The following PCDH15 variants were observed in gnomAD, a reference collection of about 807,000 sequenced individuals.
The protein encoded by PCDH15 is protocadherin related 15.
A neutral mutation model predicts 178.5 loss-of-function variants in PCDH15; 129 were observed. The observed-to-expected ratio is 0.72, with a 90% CI of 0.63 to 0.84. PCDH15 has a LOEUF of 0.84. Ranked by LOEUF, PCDH15 falls within the 40% of genes least tolerant of loss-of-function variation. The pLI, the probability that PCDH15 is intolerant of heterozygous loss-of-function variation, is 0.00. For synonymous variants in PCDH15, 800 were observed against 732.0 expected (o/e 1.09, Z -1.50); for missense variants, 2,230 against 2,099.9 (o/e 1.06, Z -1.21).
intron 8 of PCDH15, among the ~76,000 whole-genome samples, chr10:54,245,337 A>C (rs970973042): frequency 6.6e-6 from 1 of 152,154 alleles, no homozygotes; most frequent in African/African-American, 2.4e-5. Flanking sequence ...ATTTCTACCG[A>C]GTATATGTGT....
chr10:54,061,807 TA>T (rs1324832645), intron 18 of PCDH15, among the ~76,000 whole-genome samples: 3 of 94,456 alleles, frequency 3.2e-5, no homozygotes, highest in Middle Eastern at 7.4e-3. Context: ...AGATAAACAT[TA>T]AAAATTGTTG....
intron 33 of PCDH15, among the ~76,000 whole-genome samples, chr10:53,818,697 A>ATGTT (rs1293816704): frequency 6.6e-6 from 1 of 152,108 alleles, no homozygotes; most frequent in Non-Finnish European, 1.5e-5. Context: ...TCAAAGTTGA[A>ATGTT]TGTTACTAAT....
intron 2 of PCDH15, among the ~76,000 whole-genome samples, chr10:55,063,831 A>T (rs892447710): frequency 1.3e-5 from 2 of 152,172 alleles, no homozygotes; most frequent in African/African-American, 4.8e-5. Flanking sequence ...AAAAAGATTC[A>T]TGCTTCTGGG....
At chr10:53,986,872 TG>T (rs1296954788) in intron 21 of PCDH15, among the ~76,000 whole-genome samples, 4 of 152,198 alleles carry the variant, frequency 2.6e-5, no homozygotes. Flanking sequence ...GTGCTATTTT[TG>T]TTCTCATTTT....
At chr10:55,289,970 T>G (rs926260876) in intron 1 of PCDH15, among the ~76,000 whole-genome samples, 2 of 150,272 alleles carry the variant, frequency 1.3e-5, no homozygotes, top group Admixed American at 6.6e-5. Flanking sequence ...GCAGTTCTTC[T>G]GCTCTTCTGT....
intron 1 of PCDH15, among the ~76,000 whole-genome samples, chr10:54,740,851 G>A (rs1944702039): frequency 1.3e-5 from 2 of 152,034 alleles, no homozygotes; most frequent in South Asian, 4.1e-4. Flanking sequence ...TATAACAGTG[G>A]TTATCAGGGG....
chr10:55,390,355 G>A (rs1394617287), intron 2 of PCDH15, among the ~76,000 whole-genome samples: 1 of 152,144 alleles, frequency 6.6e-6, no homozygotes, highest in Non-Finnish European at 1.5e-5. Flanking sequence ...GCTGCTGAAC[G>A]CTGGGGTGGC....
chr10:54,224,343 A>G (rs2053201070), intron 9 of PCDH15, among the ~76,000 whole-genome samples: 1 of 152,194 alleles, frequency 6.6e-6, no homozygotes, highest in South Asian at 2.1e-4. Flanking sequence ...ACCCTGCAGA[A>G]GCCAAGGTAT....
chr10:54,266,304 G>A (rs895512064), intron 8 of PCDH15, among the ~76,000 whole-genome samples: 22 of 151,682 alleles, frequency 1.5e-4, no homozygotes, highest in South Asian at 2.1e-4. Context: ...GGGATGCAAC[G>A]ATAGCAGTTT....
intron 29 of PCDH15, among the ~76,000 whole-genome samples, chr10:53,837,415 GTTA>G (rs1467001279): frequency 1.3e-5 from 2 of 151,974 alleles, no homozygotes; most frequent in African/African-American, 4.8e-5. Context: ...AACAAAATAA[GTTA>G]TTAACATATC....
At chr10:54,117,133 C>T (rs1485329242) in intron 15 of PCDH15, among the ~76,000 whole-genome samples, 2 of 152,070 alleles carry the variant, frequency 1.3e-5, no homozygotes, top group African/African-American at 4.8e-5. Context: ...GTGCTACTGG[C>T]CCAGATCCCA....
At chr10:54,868,112 A>T (rs1300168755) in intron 3 of PCDH15, among the ~76,000 whole-genome samples, 1 of 152,208 alleles carries the variant, frequency 6.6e-6, no homozygotes, top group Non-Finnish European at 1.5e-5. Flanking sequence ...TTATATCTTA[A>T]TAAAGCTGAG....
chr10:55,217,296 A>T (rs1390385327), intron 1 of PCDH15, among the ~76,000 whole-genome samples: 1 of 151,946 alleles, frequency 6.6e-6, no homozygotes, highest in Non-Finnish European at 1.5e-5. Flanking sequence ...TTTTCATAAA[A>T]TGCTTTTCAA....
At chr10:55,325,140 T>G (rs1843997251) in intron 2 of PCDH15, among the ~76,000 whole-genome samples, 1 of 152,154 alleles carries the variant, frequency 6.6e-6, no homozygotes, top group South Asian at 2.1e-4. Context: ...AAAATGGTCA[T>G]ACTGCCCAAA....
At position 54,754,669 on chromosome 10, in the gene PCDH15, A is replaced by C. The variant is rs886659655; in HGVS notation, c.-29+46256T>G. Reference sequence around the variant, plus strand: ...ATTTTAGTTATATTTAGAAGATTAGATTACCTTAGATTCCAATTCAAAGAC... The same window carrying C: ...ATTTTAGTTATATTTAGAAGATTAGCTTACCTTAGATTCCAATTCAAAGAC... On this transcript the variant is annotated intron_variant, in intron 1 of 37. Transcript: ENST00000644397. 3.3e-5 allele frequency among the ~76,000 whole-genome samples: 5 copies of C among 152,144 alleles called. No homozygotes were observed. In the East Asian group the frequency reaches 9.7e-4, roughly 29 times the overall value.
rs187683755 is a variant in PCDH15, at chr10:54,438,194, G to A, written c.158-59252C>T. 3.4e-5 allele frequency among the ~76,000 whole-genome samples: 5 copies of A among 148,476 alleles called. No homozygotes were observed. In the Admixed American group the frequency reaches 3.4e-4, roughly 10 times the overall value. ...TTGTTTATCCAGATGTCCTTCTTTT[G>A]TCTATGGCTCCATTAGGATTGTAAT... is the stretch of plus-strand genomic sequence containing the variant. On this transcript the variant is annotated intron_variant, in intron 3 of 37. Transcript: ENST00000644397.
intron 1 of PCDH15, among the ~76,000 whole-genome samples, chr10:55,308,001 TGA>T (rs1843475216): frequency 1.3e-5 from 2 of 152,314 alleles, no homozygotes; most frequent in Non-Finnish European, 2.9e-5. Flanking sequence ...TAGAGATTAA[TGA>T]GAGTCATACT....
intron 25 of PCDH15, among the ~76,000 whole-genome samples, chr10:53,909,053 C>A (rs1362187027): frequency 6.6e-6 from 1 of 152,162 alleles, no homozygotes; most frequent in East Asian, 1.9e-4. Flanking sequence ...CCACCCAAAT[C>A]TCATCTTGAA....
intron 18 of PCDH15, among the ~76,000 whole-genome samples, chr10:54,030,181 G>A (rs1240364211): frequency 6.6e-6 from 1 of 152,026 alleles, no homozygotes; most frequent in African/African-American, 2.4e-5. Context: ...CTGAGAGAGT[G>A]CTTTGCTCTA....
Sources: gnomAD v4.1 joint callset for allele counts (sites outside exome capture counted in the v4.1 genomes callset) on GRCh38, gnomAD v4.1.1 for gene constraint, MANE v1.5 for transcripts, NCBI Gene and HGNC (gene_info 2026-07-23, HGNC 2026-07-21) for gene names.